DNAH7: variants seen among roughly 807,000 people sequenced by gnomAD.
DNAH7 encodes the protein dynein axonemal heavy chain 7, also known as axonemal beta dynein heavy chain 7.
Under a neutral mutation model 444.6 loss-of-function variants are expected in DNAH7, and 397 were observed. The observed-to-expected ratio is 0.89, with a 90% CI of 0.82 to 0.97. DNAH7 has a LOEUF of 0.97. Ranked by LOEUF, DNAH7 falls within the 50% of genes least tolerant of loss-of-function variation. The pLI is 0.00. For missense variants in DNAH7, 4,902 were observed against 4,800.8 expected (o/e 1.02, Z -0.62); for synonymous variants, 1,636 against 1,624.4 (o/e 1.01, Z -0.17).
At position 195,900,499 on chromosome 2, in the gene DNAH7, G is replaced by A. The variant is rs1379270429; in HGVS notation, c.4336-5C>T. 1.2e-6 allele frequency: 2 copies of A among 1,612,850 alleles called. No homozygotes were observed. Among genetic ancestry groups the A allele is most frequent in the Admixed American group, 1.7e-5 (1 of 59,958 alleles). On this transcript the variant is annotated splice_region_variant and splice_polypyrimidine_tract_variant and intron_variant, in intron 27 of 64. Coordinates refer to ENST00000312428, the MANE Select transcript of DNAH7 (RefSeq NM_018897.3). ...TGCTACTGTCCGAAAGAGAGCCTAT[G>A]GGTAGGTAGAAAGTTACTTTTAAAA...
chr2:196,001,981 T>C (rs1694065220), intron 10 of DNAH7, 123 bp from the exon 11 acceptor site: 3 of 632,186 alleles, frequency 4.7e-6, no homozygotes, highest in African/African-American at 1.9e-5. Flanking sequence ...TGCTAAATGA[T>C]ATTACCCACT....
chr2:195,807,311 C>G (rs1297438875), intron 53 of DNAH7, among the ~76,000 whole-genome samples: 2 of 152,032 alleles, frequency 1.3e-5, no homozygotes, highest in African/African-American at 2.4e-5. Flanking sequence ...GGTGCACCAC[C>G]ATACCCAGCT....
intron 55 of DNAH7, among the ~76,000 whole-genome samples, chr2:195,797,000 T>C (rs183438687): frequency 8.5e-4 from 130 of 152,230 alleles, no homozygotes; most frequent in African/African-American, 3.1e-3. Context: ...ATAGAAGGGA[T>C]AGAAAGAATA....
At chr2:195,950,848 T>C (rs546339919) in intron 19 of DNAH7, among the ~76,000 whole-genome samples, 368 of 17,718 alleles carry the variant, frequency 0.021, 3 homozygotes, top group African/African-American at 0.052. Context: ...TGGGACTCTG[T>C]CTCAAAAAAA....
chr2:196,003,464 T>C (rs1399592619), intron 10 of DNAH7, among the ~76,000 whole-genome samples: 1 of 152,162 alleles, frequency 6.6e-6, no homozygotes, highest in African/African-American at 2.4e-5. Context: ...GAATGAAACA[T>C]TTGGGGTACA....
intron 7 of DNAH7, among the ~76,000 whole-genome samples, chr2:196,026,543 G>C (rs1695701799): frequency 6.6e-6 from 1 of 152,066 alleles, no homozygotes; most frequent in East Asian, 1.9e-4. Context: ...GCTATCCTTT[G>C]TGGTGGGGAT....
At chr2:195,804,426 T>G (rs1483419959) in intron 54 of DNAH7, among the ~76,000 whole-genome samples, 1 of 152,208 alleles carries the variant, frequency 6.6e-6, no homozygotes. Context: ...ATTTTTTTAT[T>G]AAGGACATGA....
intron 12 of DNAH7, among the ~76,000 whole-genome samples, chr2:195,993,426 A>T (rs1203267767): frequency 6.6e-6 from 1 of 152,076 alleles, no homozygotes; most frequent in Non-Finnish European, 1.5e-5. Context: ...AGCTAAAAAA[A>T]ATACAAAAAG....
intron 8 of DNAH7, among the ~76,000 whole-genome samples, chr2:196,022,877 T>C (rs1197411851): frequency 6.6e-6 from 1 of 152,212 alleles, no homozygotes; most frequent in Non-Finnish European, 1.5e-5. Context: ...CTTTCAAAAA[T>C]TTGTTCTGTA....
At chr2:195,778,861 G>A (rs1177827219) in intron 58 of DNAH7, among the ~76,000 whole-genome samples, 2 of 73,622 alleles carry the variant, frequency 2.7e-5, no homozygotes, top group African/African-American at 1.1e-4. Context: ...TTTTTTTTTT[G>A]AGACTGAGTT....
At chr2:195,809,615 A>T in intron 52 of DNAH7, 130 bp downstream of exon 52, 3 of 851,692 alleles carry the variant, frequency 3.5e-6, no homozygotes, top group Non-Finnish European at 4.7e-6. Flanking sequence ...ATCTTGCCTT[A>T]ACTATAATAA....
intron 51 of DNAH7, among the ~76,000 whole-genome samples, chr2:195,813,906 A>AT (rs1697099212): frequency 6.6e-6 from 1 of 152,268 alleles, no homozygotes; most frequent in Non-Finnish European, 1.5e-5. Context: ...AACAATGTGC[A>AT]TTAATTTCAC....
At chr2:195,813,669 T>C (rs1336992321) in intron 51 of DNAH7, among the ~76,000 whole-genome samples, 1 of 152,200 alleles carries the variant, frequency 6.6e-6, no homozygotes, top group Non-Finnish European at 1.5e-5. Flanking sequence ...TCTGCTTCGA[T>C]AATTAAGGGG....
At chr2:195,853,194 T>C (rs1699488463) in intron 46 of DNAH7, 149 bp downstream of exon 46, 1 of 620,942 alleles carries the variant, frequency 1.6e-6, no homozygotes, top group South Asian at 4.3e-5. Context: ...ATTTACAGAA[T>C]AATTAAAATA....
At chr2:195,762,447 T>C (rs898937029) in intron 61 of DNAH7, among the ~76,000 whole-genome samples, 2 of 152,170 alleles carry the variant, frequency 1.3e-5, no homozygotes, top group African/African-American at 4.8e-5. Flanking sequence ...GAATGAATTT[T>C]TTTAAAAAAC....
rs771402336 is a variant in DNAH7, at chr2:195,888,463, G to T, written c.5230-29C>A. 3 of 1,560,580 alleles carry T rather than the reference G, an allele frequency of 1.9e-6. No individual in the cohort carries two copies. The East Asian group carries it at 6.9e-5, about 36-fold the overall frequency. On this transcript the variant is annotated intron_variant, in intron 32 of 64. Coordinates refer to ENST00000312428, the MANE Select transcript of DNAH7 (RefSeq NM_018897.3). ...GAAAGCCATAATTGGTTACCATCAAGGTAATAATGCTTATAAAATAAATAT... is the reference window on the plus strand; with the variant it reads ...GAAAGCCATAATTGGTTACCATCAATGTAATAATGCTTATAAAATAAATAT...
At position 195,897,697 on chromosome 2, in the gene DNAH7, T is replaced by A; in HGVS notation, c.4617A>T (p.Lys1539Asn). 1 of 1,604,856 alleles carries A rather than the reference T, an allele frequency of 6.2e-7. No homozygotes were observed. The highest frequency in any genetic ancestry group is 8.5e-7 in the Non-Finnish European group (1 of 1,174,954). Residue 1539 changes from lysine to asparagine, a missense_variant, in exon 29 of 65, where the codon AAA becomes AAT. Coordinates refer to ENST00000312428, the MANE Select transcript of DNAH7 (RefSeq NM_018897.3). ...LRSIIDVNLP[K>N]FLSHDLPLFE... Reference sequence around the variant, plus strand: ...AGAGTGGTAAATCATGGGATAAAAATTTTGGCAGATTTACATCAATGATAG... The same window carrying A: ...AGAGTGGTAAATCATGGGATAAAAAATTTGGCAGATTTACATCAATGATAG...
chr2:195,987,917 CAGAT>C, intron 13 of DNAH7, 36 bp downstream of exon 13: 2 of 1,521,480 alleles, frequency 1.3e-6, no homozygotes, highest in Non-Finnish European at 1.8e-6. Context: ...GAAAAGATAC[CAGAT>C]AGAGATAACA....
chr2:195,998,089 C>A (rs1442955773), intron 12 of DNAH7, among the ~76,000 whole-genome samples: 1 of 152,120 alleles, frequency 6.6e-6, no homozygotes, highest in Non-Finnish European at 1.5e-5. Context: ...GAACCATTAC[C>A]CATGAATGAT....
Sources: gnomAD v4.1 joint callset for allele counts (sites outside exome capture counted in the v4.1 genomes callset) on GRCh38, gnomAD v4.1.1 for gene constraint, MANE v1.5 for transcripts, NCBI Gene and HGNC (gene_info 2026-07-23, HGNC 2026-07-21) for gene names.